The following PPFIA1 variants were observed in gnomAD, a reference collection of about 807,000 sequenced individuals.
PPFIA1 encodes the protein liprin-alpha-1.
PPFIA1 carries 25 observed loss-of-function variants against 149.9 expected under a neutral mutation model. That is an observed-to-expected ratio of 0.17 (90% CI 0.12 to 0.23). The LOEUF (loss-of-function observed/expected upper bound fraction) is 0.23, where lower values mean the gene tolerates loss of function less well. PPFIA1 is among the 10% of genes least tolerant of loss of function. The probability of loss-of-function intolerance (pLI) is 1.00; values close to 1 mark genes in which losing one functional copy is unlikely to be tolerated. For synonymous variants in PPFIA1, 549 were observed against 552.8 expected, an observed-to-expected ratio of 0.99 and a Z score of 0.10; for missense variants, 1,362 against 1,506.5, an observed-to-expected ratio of 0.90 and a Z score of 1.59.
chr11:70,276,345 C>T (rs2050380887), intron 2 of PPFIA1, among the ~76,000 whole-genome samples: 1 of 151,552 alleles, frequency 6.6e-6, no homozygotes, highest in Non-Finnish European at 1.5e-5. Flanking sequence ...GAAAGAGCAC[C>T]TCCCTTTTAA....
Position 70,275,799 on chromosome 11 carries a change from A to G in PPFIA1, c.264+3363A>G, listed in dbSNP as rs527633119. Among the ~76,000 whole-genome samples the G allele has an allele frequency of 5.9e-5, 9 of 152,216 alleles. No homozygotes were observed. The South Asian group carries it at 8.3e-4, about 14-fold the overall frequency. ...CAAATAGCACAATGTCTAAATTCCC[A>G]TAGATATAGTCTGTCTTGAGATCTG... On this transcript the variant is annotated intron_variant, in intron 2 of 27. Coordinates refer to ENST00000253925, the MANE Select transcript of PPFIA1 (RefSeq NM_003626.5).
chr11:70,333,232 C>T (rs1025941273), intron 9 of PPFIA1: 24 of 578,252 alleles, frequency 4.2e-5, no homozygotes, highest in Non-Finnish European at 7.4e-5. Flanking sequence ...GGGAAAACAC[C>T]CAGTCAGTCG....
intron 6 of PPFIA1, 111 bp downstream of exon 6, chr11:70,326,474 T>C (rs1333651993): frequency 7.8e-7 from 1 of 1,282,658 alleles, no homozygotes; most frequent in African/African-American, 1.5e-5. Context: ...GAAGTGGTCA[T>C]GAAAGTTGTG....
At chr11:70,334,765 T>G (rs1052455681) in intron 10 of PPFIA1, 2 of 152,264 alleles carry the variant, frequency 1.3e-5, no homozygotes, top group Non-Finnish European at 2.9e-5. Context: ...TGTCTCCTCC[T>G]GCCTGGGCAG....
rs549172077 is a variant in PPFIA1 at position 70,366,276 on chromosome 11, T to C, written c.2865+3788T>C. Among the ~76,000 whole-genome samples the C allele has an allele frequency of 3.6e-4, 55 of 152,344 alleles. 2 individuals carry two copies. The highest frequency in any genetic ancestry group is 2.3e-3 in the Admixed American group (35 of 15,302). On this transcript the variant is annotated intron_variant, in intron 21 of 27. Transcript: ENST00000253925. ...GGCTTAGGCAGCTTCTGAGATTATG[T>C]ATGTAATTTCCTGGTAGGGTAATGT... is the stretch of plus-strand genomic sequence containing the variant.
At chr11:70,372,179 C>T in intron 21 of PPFIA1, 36 bp from the exon 22 acceptor site, 1 of 1,554,302 alleles carries the variant, frequency 6.4e-7, no homozygotes, top group Non-Finnish European at 8.7e-7. Context: ...TTTGAGACTT[C>T]CTCTGTAACT....
intron 2 of PPFIA1, chr11:70,319,930 A>T (rs1421831663): frequency 6.6e-6 from 1 of 152,112 alleles, no homozygotes; most frequent in Non-Finnish European, 1.5e-5. Flanking sequence ...AAGCACTCCC[A>T]CTTCCCATCA....
At chr11:70,271,260 A>C (rs952485350) in intron 1 of PPFIA1, 1 of 152,218 alleles carries the variant, frequency 6.6e-6, no homozygotes, top group Non-Finnish European at 1.5e-5. Context: ...CTTCCGCCGC[A>C]CCTGATACAG....
At chr11:70,366,980 A>G (rs1398051891) in intron 21 of PPFIA1, among the ~76,000 whole-genome samples, 1 of 152,146 alleles carries the variant, frequency 6.6e-6, no homozygotes, top group Non-Finnish European at 1.5e-5. Flanking sequence ...CTTGTTAGAT[A>G]TCCCTTTATA....
intron 15 of PPFIA1, among the ~76,000 whole-genome samples, chr11:70,346,179 A>G (rs1016211550): frequency 7.2e-5 from 11 of 152,194 alleles, no homozygotes; most frequent in African/African-American, 2.4e-4. Flanking sequence ...TGGCCTAGGG[A>G]CACAGCAGTG....
intron 24 of PPFIA1, 108 bp downstream of exon 24, chr11:70,375,201 AAC>A (rs1338022996): frequency 2.7e-6 from 1 of 375,680 alleles, no homozygotes; most frequent in Non-Finnish European, 3.9e-6. Context: ...AAAAAAAAAA[AAC>A]TTCAGACAAC....
At position 70,338,422 on chromosome 11, in the gene PPFIA1, A is replaced by G. The variant is rs767673660; in HGVS notation, c.1540A>G (p.Met514Val). Residue 514 changes from methionine to valine, a missense_variant, in exon 13 of 28, where the codon ATG becomes GTG. Physicochemically the swap from Met to Val is conservative, Grantham distance 21. Transcript: ENST00000253925. ...IEALRAELDHMRLRGASLHHG... is the reference protein window; with the variant it reads ...IEALRAELDHVRLRGASLHHG... The stretch of plus-strand genomic sequence containing the variant: ...AGCACTGAGGGCTGAACTAGACCAC[A>G]TGAGACTAAGAGGTGCTTCACTTCA... The G allele has an allele frequency of 1.8e-5, 29 of 1,613,304 alleles. No individual in the cohort carries two copies. The highest frequency in any genetic ancestry group is 2.4e-5 in the Non-Finnish European group (28 of 1,179,346).
intron 26 of PPFIA1, chr11:70,381,405 C>T (rs1316265648): frequency 6.6e-6 from 1 of 152,152 alleles, no homozygotes; most frequent in Admixed American, 6.5e-5. Context: ...TGAACAAGAA[C>T]CAAAATCTGT....
chr11:70,370,955 A>G (rs1226428118), intron 21 of PPFIA1, among the ~76,000 whole-genome samples: 1 of 152,094 alleles, frequency 6.6e-6, no homozygotes, highest in Non-Finnish European at 1.5e-5. Flanking sequence ...CAACATGTTG[A>G]AACCCCGTCT....
In PPFIA1 at chr11:70,354,434, A is replaced by C. The variant is rs1406172639; in HGVS notation, c.2297A>C (p.Asp766Ala). 2 of 1,613,700 alleles carry C rather than the reference A, an allele frequency of 1.2e-6. No individual in the cohort carries two copies. The highest frequency in any genetic ancestry group is 1.7e-6 in the Non-Finnish European group (2 of 1,179,900). Residue 766 changes from aspartate to alanine, a missense_variant, in exon 17 of 28, where the codon GAC (aspartate) becomes GCC (alanine). By Grantham distance (126) the Asp-to-Ala change is moderately radical. Coordinates refer to ENST00000253925, the MANE Select transcript of PPFIA1 (RefSeq NM_003626.5). The part of the protein sequence containing the change: ...KGALHTVSHE[D>A]IRDIRNSTGS... ...GCGCTGCACACCGTCAGCCACGAGG[A>C]CATCAGGGACATAAGGAAGTAAGGA...
In PPFIA1 at chr11:70,272,142, A is replaced by G. The variant is rs772215877; in HGVS notation, c.1-31A>G. ...TTGTGGGAACCTGTATTCTGAGCTTAATTACTGTAGCCTGGGTCTTTCATT... is the reference window on the plus strand; with the variant it reads ...TTGTGGGAACCTGTATTCTGAGCTTGATTACTGTAGCCTGGGTCTTTCATT... On this transcript the variant is annotated intron_variant, in intron 1 of 27. Transcript: ENST00000253925. The G allele has an allele frequency of 3.7e-6, 6 of 1,603,500 alleles. No individual in the cohort carries two copies. The East Asian group carries it at 1.3e-4, about 36-fold the overall frequency.
At position 70,310,679 on chromosome 11, in the gene PPFIA1, C is replaced by T. The variant is rs181354694; in HGVS notation, c.265-13723C>T. Among the ~76,000 whole-genome samples, 17 of 152,296 alleles carry T rather than the reference C, an allele frequency of 1.1e-4. No homozygotes were observed. In the East Asian group the frequency reaches 2.3e-3, roughly 21 times the overall value. On this transcript the variant is annotated intron_variant, in intron 2 of 27. Coordinates refer to ENST00000253925, the MANE Select transcript of PPFIA1 (RefSeq NM_003626.5). The stretch of plus-strand genomic sequence containing the variant: ...GATTACAGGCGTGAGCCACCACACC[C>T]GGCCCCATGTACTTTTCTAAAAGCA...
chr11:70,328,060 G>A (rs144823280), intron 7 of PPFIA1, among the ~76,000 whole-genome samples: 25 of 152,332 alleles, frequency 1.6e-4, no homozygotes, highest in Non-Finnish European at 2.8e-4. Context: ...ATTCTTTTAA[G>A]ACCTATCACT....
intron 9 of PPFIA1, chr11:70,332,928 T>C (rs902417709): frequency 1.9e-5 from 8 of 424,000 alleles, no homozygotes; most frequent in Admixed American, 7.3e-5. Flanking sequence ...TGCTAACAGC[T>C]GTAAGAACCT....
Sources: gnomAD v4.1 joint callset for allele counts (sites outside exome capture counted in the v4.1 genomes callset) on GRCh38, gnomAD v4.1.1 for gene constraint, MANE v1.5 for transcripts, NCBI Gene and HGNC (gene_info 2026-07-23, HGNC 2026-07-21) for gene names.